UGGT1: variants seen among roughly 807,000 people sequenced by gnomAD.
The protein encoded by UGGT1 is UDP-glucose:glycoprotein glucosyltransferase 1.
In UGGT1, 107 loss-of-function variants were observed where a neutral mutation model predicts 203.9. That is an observed-to-expected ratio of 0.52 (90% CI 0.45 to 0.62). The LOEUF (loss-of-function observed/expected upper bound fraction) is 0.62. Ranked by LOEUF, UGGT1 falls within the 20% of genes least tolerant of loss-of-function variation. The pLI, the probability that UGGT1 is intolerant of heterozygous loss-of-function variation, is 0.00. For synonymous variants in UGGT1, 628 were observed against 653.5 expected (o/e 0.96, Z 0.59); for missense variants, 1,673 against 1,867.2 (o/e 0.90, Z 1.92).
chr2:128,162,833 T>G (rs894026352), intron 25 of UGGT1, among the ~76,000 whole-genome samples: 1 of 152,206 alleles, frequency 6.6e-6, no homozygotes, highest in Admixed American at 6.5e-5. Context: ...ACTTGCCTTT[T>G]GCCAATGAGA....
intron 15 of UGGT1, among the ~76,000 whole-genome samples, chr2:128,137,347 GT>G (rs1320494119): frequency 6.6e-6 from 1 of 152,166 alleles, no homozygotes; most frequent in African/African-American, 2.4e-5. Context: ...GAGCCCAGAG[GT>G]TTGAGGCTGC....
At chr2:128,111,145 G>A (rs1167892351) in intron 5 of UGGT1, among the ~76,000 whole-genome samples, 3 of 152,182 alleles carry the variant, frequency 2.0e-5, no homozygotes, top group Non-Finnish European at 4.4e-5. Context: ...TTGATCCCAG[G>A]AATTCCAGAC....
intron 2 of UGGT1, among the ~76,000 whole-genome samples, chr2:128,099,970 T>G (rs1289436144): frequency 6.6e-6 from 1 of 151,728 alleles, no homozygotes; most frequent in Non-Finnish European, 1.5e-5. Flanking sequence ...TTTGCTAATC[T>G]TATTTTGGAT....
intron 35 of UGGT1, 35 bp from the exon 36 acceptor site, chr2:128,180,855 A>G (rs1691658549): frequency 6.3e-7 from 1 of 1,589,586 alleles, no homozygotes; most frequent in Admixed American, 1.8e-5. Context: ...TAATCAGAAG[A>G]AATGATTATT....
intron 3 of UGGT1, among the ~76,000 whole-genome samples, chr2:128,105,728 T>C (rs1687576731): frequency 6.6e-6 from 1 of 152,100 alleles, no homozygotes; most frequent in African/African-American, 2.4e-5. Flanking sequence ...CTGGCCACGC[T>C]GGTCTCAAAC....
intron 2 of UGGT1, among the ~76,000 whole-genome samples, chr2:128,100,018 A>ATCC (rs1553431313): frequency 1.4e-3 from 49 of 34,942 alleles, no homozygotes; most frequent in African/African-American, 5.0e-3. Flanking sequence ...GAGATTTACA[A>ATCC]CCCCCCCCCC....
chr2:128,166,022 A>G (rs973375289), intron 26 of UGGT1, among the ~76,000 whole-genome samples: 1 of 152,172 alleles, frequency 6.6e-6, no homozygotes, highest in Admixed American at 6.5e-5. Flanking sequence ...TCAGCCTCCC[A>G]AGGTGCTTGG....
At chr2:128,138,065 A>C (rs1689217270) in intron 15 of UGGT1, among the ~76,000 whole-genome samples, 2 of 152,144 alleles carry the variant, frequency 1.3e-5, no homozygotes, top group Non-Finnish European at 2.9e-5. Flanking sequence ...AAAGTGTGAA[A>C]ATTTTTATTC....
rs1051632434 is a variant in UGGT1, at chr2:128,195,254, T to C, written c.*5512T>C. 3 of 152,228 alleles carry C rather than the reference T, an allele frequency of 2.0e-5. No homozygotes were observed. The highest frequency in any genetic ancestry group is 4.8e-5 in the African/African-American group (2 of 41,462). The allele number at this position is 152,228 out of a possible 1,614,324, so 9.4% of individuals were successfully genotyped here. A position where few individuals can be genotyped will look rare whatever the true frequency, so the allele number is the denominator to read the frequency against. ...AGGTTGCAGTGGGACAGGAATGTAT[T>C]GTATGCCTTGCCTTACTTGTCACCA... On this transcript the variant is annotated 3_prime_UTR_variant, in exon 41 of 41. Coordinates refer to ENST00000259253, the MANE Select transcript of UGGT1 (RefSeq NM_020120.4).
Position 128,156,411 on chromosome 2 carries a change from C to G in UGGT1, c.2256C>G (p.Ile752Met). The change falls in exon 21 of 41, where the codon ATC becomes ATG. Residue 752 changes from isoleucine to methionine, a missense_variant. Transcript: ENST00000259253. ...GTTCAGGAATGTCCTCCAAGGAAAT[C>G]TATGGTAACTTAAAACTTCAGAATG... The part of the protein sequence containing the change: ...LTKKGMSSKE[I>M]YDDSFIRPVT... 1.3e-6 allele frequency: 2 copies of G among 1,593,492 alleles called. No individual in the cohort carries two copies. The highest frequency in any genetic ancestry group is 1.7e-6 in the Non-Finnish European group (2 of 1,162,714).
chr2:128,172,499 C>T, intron 28 of UGGT1, 74 bp from the exon 29 acceptor site: 5 of 1,494,638 alleles, frequency 3.3e-6, no homozygotes, highest in African/African-American at 1.4e-5. Context: ...CCAGTTGTTA[C>T]CTGTGTAAGG....
In UGGT1 at chr2:128,180,992, A is replaced by G. The variant is rs553145526; in HGVS notation, c.4003A>G (p.Ile1335Val). 1.9e-6 allele frequency: 3 copies of G among 1,614,190 alleles called. No homozygotes were observed. The highest frequency in any genetic ancestry group is 2.5e-6 in the Non-Finnish European group (3 of 1,180,028). ...LHQQTEKQRI[I>V]WGYKILFLDV... ...TCAACAAACTGAAAAACAGCGTATCATCTGGGGTTACAAGATCCTCTTCCT... is the reference window on the plus strand; with the variant it reads ...TCAACAAACTGAAAAACAGCGTATCGTCTGGGGTTACAAGATCCTCTTCCT... Residue 1335 changes from isoleucine to valine, a missense_variant, in exon 36 of 41, where the codon ATC (isoleucine) becomes GTC (valine). Physicochemically the swap from Ile to Val is conservative, Grantham distance 29. Around this residue, in one of 4 missense-constraint regions of UGGT1, gnomAD observed 513 missense variants for 684.1 expected, o/e 0.75. Transcript: ENST00000259253.
At chr2:128,149,041 T>A (rs1319179957) in intron 18 of UGGT1, among the ~76,000 whole-genome samples, 1 of 152,056 alleles carries the variant, frequency 6.6e-6, no homozygotes, top group Non-Finnish European at 1.5e-5. Flanking sequence ...AAGGTCACTT[T>A]CCTTACCAAA....
At chr2:128,163,587 C>T (rs1238664421) in intron 25 of UGGT1, among the ~76,000 whole-genome samples, 1 of 151,900 alleles carries the variant, frequency 6.6e-6, no homozygotes, top group African/African-American at 2.4e-5. Context: ...TGGTGGCGGG[C>T]GCCTGTGATC....
In UGGT1 at chr2:128,164,773, C is replaced by CA; in HGVS notation, c.2871dup (p.Pro958ThrfsTer13). 1 of 1,613,288 alleles carries CA rather than the reference C, an allele frequency of 6.2e-7. No individual in the cohort carries two copies. Among genetic ancestry groups the CA allele is most frequent in the East Asian group, 2.2e-5 (1 of 44,794 alleles). On this transcript the variant is annotated frameshift_variant, in exon 26 of 41. Coordinates refer to ENST00000259253, the MANE Select transcript of UGGT1 (RefSeq NM_020120.4). LOFTEE classifies it high-confidence loss of function. ...GAAGGTGGATGCTCTTCTGTCAGCG[C>CA]AACCAAAAGGAGATCCAAGAATCGA...
At position 128,176,811 on chromosome 2, in the gene UGGT1, A is replaced by G; in HGVS notation, c.3540-3A>G. 6.2e-7 allele frequency: 1 copy of G among 1,613,370 alleles called. No homozygotes were observed. The highest frequency in any genetic ancestry group is 1.1e-5 in the South Asian group (1 of 90,924). ...TAATATTGATCTTTCTTTTCTCGCAAAGCCACGATGGCACTGATTCTCCCC... is the reference window on the plus strand; with the variant it reads ...TAATATTGATCTTTCTTTTCTCGCAGAGCCACGATGGCACTGATTCTCCCC... On this transcript the variant is annotated splice_polypyrimidine_tract_variant and splice_region_variant and intron_variant, in intron 31 of 40. Coordinates refer to ENST00000259253, the MANE Select transcript of UGGT1 (RefSeq NM_020120.4).
intron 13 of UGGT1, among the ~76,000 whole-genome samples, chr2:128,130,045 AAGG>A (rs1413645458): frequency 6.6e-6 from 1 of 151,772 alleles, no homozygotes; most frequent in Non-Finnish European, 1.5e-5. Context: ...TGGATCACCT[AAGG>A]TCAGGAGATT....
chr2:128,140,178 GC>G, intron 16 of UGGT1: 1 of 174,114 alleles, frequency 5.7e-6, no homozygotes, highest in Non-Finnish European at 1.3e-5. Flanking sequence ...AGCTAGAGAA[GC>G]CAATGGCCAT....
chr2:128,122,163 A>G (rs1029104248), intron 10 of UGGT1, among the ~76,000 whole-genome samples: 1 of 152,104 alleles, frequency 6.6e-6, no homozygotes, highest in African/African-American at 2.4e-5. Flanking sequence ...TAGTAGAGAC[A>G]GGGTTTTGCC....
Sources: allele counts gnomAD v4.1 joint callset (sites outside exome capture counted in the v4.1 genomes callset), GRCh38; gene constraint gnomAD v4.1.1; regional missense constraint gnomAD v4.1.1; transcripts MANE v1.5; gene names NCBI Gene and HGNC (gene_info 2026-07-23, HGNC 2026-07-21).